SH3BGRL2: variants seen among roughly 807,000 people sequenced by gnomAD.
SH3BGRL2 encodes SH3 domain-binding glutamic acid-rich-like protein 2.
In SH3BGRL2, 21 loss-of-function variants were observed where a neutral mutation model predicts 14.8. The observed-to-expected ratio is 1.42, with a 90% confidence interval of 1.01 to 2.05. The LOEUF (loss-of-function observed/expected upper bound fraction) is 2.05. Ranked by LOEUF, SH3BGRL2 falls within the 30% of genes most tolerant of loss-of-function variation. The pLI, the probability that SH3BGRL2 is intolerant of heterozygous loss-of-function variation, is 0.00. For missense variants in SH3BGRL2, 147 were observed against 130.8 expected, an observed-to-expected ratio of 1.12 and a Z score of -0.61; for synonymous variants, 50 against 47.8, an observed-to-expected ratio of 1.05 and a Z score of -0.19.
chr6:79,675,189 C>T (rs564565863), intron 2 of SH3BGRL2, among the ~76,000 whole-genome samples: 1 of 152,252 alleles, frequency 6.6e-6, no homozygotes, highest in East Asian at 1.9e-4. Flanking sequence ...AGTTTTCTGT[C>T]CCTCGGACTT....
At chr6:79,611,604 G>A in the SH3BGRL2 span, among the ~76,000 whole-genome samples, 8 of 152,036 alleles carry the variant, frequency 5.3e-5, no homozygotes, top group Non-Finnish European at 1.2e-4. Flanking sequence ...TAGAGGCGGG[G>A]TTTCGCCATG....
intron 1 of SH3BGRL2, among the ~76,000 whole-genome samples, chr6:79,660,971 G>A (rs538812466): frequency 1.3e-5 from 2 of 152,064 alleles, no homozygotes; most frequent in African/African-American, 4.8e-5. Context: ...TATTTCTGTG[G>A]GATCAGTGGT....
chr6:79,622,108 A>G, the SH3BGRL2 span, among the ~76,000 whole-genome samples: 1 of 152,180 alleles, frequency 6.6e-6, no homozygotes, highest in Non-Finnish European at 1.5e-5. Flanking sequence ...TTGTTATGTG[A>G]AAGAATCAAA....
chr6:79,587,251 T>C, the SH3BGRL2 span, among the ~76,000 whole-genome samples: 1 of 152,208 alleles, frequency 6.6e-6, no homozygotes, highest in African/African-American at 2.4e-5. Context: ...AAAGGAGTTA[T>C]TCATTTGAGA....
At chr6:79,633,817 T>C (rs1006146196) in intron 1 of SH3BGRL2, among the ~76,000 whole-genome samples, 4 of 152,344 alleles carry the variant, frequency 2.6e-5, no homozygotes, top group African/African-American at 4.8e-5. Flanking sequence ...GTTATGTTCA[T>C]ATGTAAGAAT....
intron 2 of SH3BGRL2, among the ~76,000 whole-genome samples, chr6:79,683,233 G>A (rs1770026828): frequency 6.6e-6 from 1 of 152,044 alleles, no homozygotes; most frequent in Non-Finnish European, 1.5e-5. Flanking sequence ...AGGGCAAGAT[G>A]TCTCATTTCC....
the SH3BGRL2 span, among the ~76,000 whole-genome samples, chr6:79,569,679 G>C: frequency 2.0e-5 from 3 of 152,134 alleles, no homozygotes; most frequent in African/African-American, 7.2e-5. Flanking sequence ...ACTTTTTTCA[G>C]GTTAACTTTG....
At chr6:79,587,528 T>C in the SH3BGRL2 span, among the ~76,000 whole-genome samples, 4 of 152,214 alleles carry the variant, frequency 2.6e-5, no homozygotes, top group Non-Finnish European at 5.9e-5. Context: ...TATGTTAATT[T>C]CAACAAAGTA....
chr6:79,651,585 A>T (rs1185049563), intron 1 of SH3BGRL2, among the ~76,000 whole-genome samples: 1 of 131,360 alleles, frequency 7.6e-6, no homozygotes, highest in Non-Finnish European at 1.7e-5. Flanking sequence ...AGTTAGAGCC[A>T]CTTGCATTAC....
At chr6:79,694,748 AC>A (rs371255962) in intron 2 of SH3BGRL2, among the ~76,000 whole-genome samples, 2 of 151,290 alleles carry the variant, frequency 1.3e-5, no homozygotes, top group Admixed American at 1.3e-4. Context: ...CTCCCTAATC[AC>A]CCCCATCAAA....
chr6:79,564,301 A>G, the SH3BGRL2 span, among the ~76,000 whole-genome samples: 3 of 152,224 alleles, frequency 2.0e-5, no homozygotes, highest in South Asian at 6.2e-4. Flanking sequence ...ATTTGTAAAT[A>G]GAATTTAAAA....
At chr6:79,599,583 C>G in the SH3BGRL2 span, among the ~76,000 whole-genome samples, 1 of 152,154 alleles carries the variant, frequency 6.6e-6, no homozygotes, top group African/African-American at 2.4e-5. Flanking sequence ...GTTGGCCAGG[C>G]TGGTCTCAAA....
chr6:79,542,629 C>G, the SH3BGRL2 span, among the ~76,000 whole-genome samples: 1 of 152,134 alleles, frequency 6.6e-6, no homozygotes, highest in African/African-American at 2.4e-5. Flanking sequence ...CCCAGACACC[C>G]TTGCTAGTTG....
At chr6:79,623,733 A>T in the SH3BGRL2 span, among the ~76,000 whole-genome samples, 60,437 of 152,024 alleles carry the variant, frequency 0.4, 12,980 homozygotes, top group East Asian at 0.63. Context: ...TTCTTTTTAA[A>T]CTCTTTATGG....
chr6:79,680,767 T>C (rs755493919), intron 2 of SH3BGRL2, among the ~76,000 whole-genome samples: 1 of 152,168 alleles, frequency 6.6e-6, no homozygotes, highest in Non-Finnish European at 1.5e-5. Flanking sequence ...TAGTTTTCAG[T>C]GTACAAGTCT....
chr6:79,677,005 C>A (rs1769898832), intron 2 of SH3BGRL2, among the ~76,000 whole-genome samples: 1 of 152,108 alleles, frequency 6.6e-6, no homozygotes, highest in Non-Finnish European at 1.5e-5. Context: ...GTCACGACAG[C>A]TATTGGCGTA....
intron 1 of SH3BGRL2, among the ~76,000 whole-genome samples, chr6:79,645,702 G>A (rs1769127763): frequency 6.6e-6 from 1 of 152,214 alleles, no homozygotes; most frequent in African/African-American, 2.4e-5. Flanking sequence ...GTTTGTGTGT[G>A]TGTGTTAAAG....
chr6:79,595,996 A>T, the SH3BGRL2 span, among the ~76,000 whole-genome samples: 88,049 of 151,956 alleles, frequency 0.58, 25,710 homozygotes, highest in South Asian at 0.67. Flanking sequence ...ACAGATCAAC[A>T]TACAAAAATC....
intron 1 of SH3BGRL2, among the ~76,000 whole-genome samples, chr6:79,633,295 A>C (rs542345921): frequency 6.6e-6 from 1 of 152,290 alleles, no homozygotes; most frequent in Admixed American, 6.5e-5. Flanking sequence ...AAGGATTTTC[A>C]TGGATAACTC....
Sources: gnomAD v4.1 joint callset for allele counts (sites outside exome capture counted in the v4.1 genomes callset) on GRCh38, gnomAD v4.1.1 for gene constraint, MANE v1.5 for transcripts, NCBI Gene and HGNC (gene_info 2026-07-23, HGNC 2026-07-21) for gene names.